The following GPHN variants were observed in gnomAD, a reference collection of about 807,000 sequenced individuals.
GPHN encodes the protein gephyrin.
Under a neutral mutation model 95.5 loss-of-function variants are expected in GPHN, and 17 were observed. The ratio of observed to expected loss-of-function variants is 0.18; its 90% CI spans 0.12 to 0.27. The LOEUF is 0.27. Ranked by LOEUF, GPHN falls within the 10% of genes least tolerant of loss-of-function variation. GPHN has a pLI of 1.00. For missense variants in GPHN, 660 were observed against 978.1 expected (o/e 0.67, Z 4.34); for synonymous variants, 320 against 322.5 (o/e 0.99, Z 0.08).
chr14:66,770,649 T>C (rs779986651), intron 2 of GPHN, among the ~76,000 whole-genome samples: 4 of 152,164 alleles, frequency 2.6e-5, no homozygotes, highest in Non-Finnish European at 5.9e-5. Flanking sequence ...TGCCACACTA[T>C]GTTCCATGAA....
chr14:67,139,345 T>A (rs1213836765), intron 17 of GPHN, among the ~76,000 whole-genome samples: 1 of 152,074 alleles, frequency 6.6e-6, no homozygotes, highest in East Asian at 1.9e-4. Context: ...AGCAATCCTC[T>A]CACATCAGCC....
chr14:67,002,251 A>G (rs992894123), intron 9 of GPHN, among the ~76,000 whole-genome samples: 1 of 149,800 alleles, frequency 6.7e-6, no homozygotes, highest in African/African-American at 2.4e-5. Flanking sequence ...TACTTCTTGA[A>G]GTCATTTGTT....
chr14:66,621,339 T>C (rs866861356), intron 1 of GPHN, among the ~76,000 whole-genome samples: 1 of 151,208 alleles, frequency 6.6e-6, no homozygotes, highest in Non-Finnish European at 1.5e-5. Context: ...ATGGTCTCTA[T>C]CTCCTGACCT....
At chr14:66,929,134 C>A (rs1169297210) in intron 8 of GPHN, among the ~76,000 whole-genome samples, 1 of 150,460 alleles carries the variant, frequency 6.6e-6, no homozygotes, top group African/African-American at 2.5e-5. Context: ...CAGCTCACTG[C>A]AACCTCTACC....
chr14:67,589,689 G>A, the GPHN span: 15 of 993,784 alleles, frequency 1.5e-5, no homozygotes, highest in African/African-American at 1.7e-5. Flanking sequence ...TTACACAAGG[G>A]GTACTATTGG....
At chr14:67,121,416 G>T (rs2153691825) in intron 16 of GPHN, among the ~76,000 whole-genome samples, 1 of 152,160 alleles carries the variant, frequency 6.6e-6, no homozygotes, top group African/African-American at 2.4e-5. Context: ...CACATTTATT[G>T]TACATTTATC....
At chr14:66,543,524 T>C (rs2059426124) in intron 1 of GPHN, among the ~76,000 whole-genome samples, 1 of 152,218 alleles carries the variant, frequency 6.6e-6, no homozygotes, top group Admixed American at 6.5e-5. Context: ...AAACTATTCC[T>C]GAATTGTACA....
intron 1 of GPHN, among the ~76,000 whole-genome samples, chr14:66,619,976 A>G (rs1295365056): frequency 6.6e-6 from 1 of 152,106 alleles, no homozygotes; most frequent in Non-Finnish European, 1.5e-5. Context: ...ATGTAAGGAG[A>G]TTCCTCAGGA....
the GPHN span, among the ~76,000 whole-genome samples, chr14:67,548,923 A>G: frequency 2.6e-5 from 4 of 152,172 alleles, no homozygotes; most frequent in African/African-American, 4.8e-5. Flanking sequence ...GAGTGGATAA[A>G]TGGTTCTGTT....
chr14:67,087,084 A>G (rs2076936125), intron 11 of GPHN, among the ~76,000 whole-genome samples: 1 of 151,964 alleles, frequency 6.6e-6, no homozygotes, highest in African/African-American at 2.4e-5. Flanking sequence ...TAAAATGAAC[A>G]TAACAGTGCT....
At chr14:66,868,401 C>T (rs900968715) in intron 4 of GPHN, among the ~76,000 whole-genome samples, 6 of 151,858 alleles carry the variant, frequency 4.0e-5, no homozygotes, top group Non-Finnish European at 5.9e-5. Flanking sequence ...ATGTTCTTTA[C>T]GGGTTTTTTT....
chr14:67,495,654 T>C, the GPHN span, among the ~76,000 whole-genome samples: 2 of 152,192 alleles, frequency 1.3e-5, no homozygotes, highest in Non-Finnish European at 2.9e-5. Flanking sequence ...CAGTTGATTT[T>C]TGTACTTTTA....
At chr14:67,370,415 G>A in the GPHN span, among the ~76,000 whole-genome samples, 1 of 152,162 alleles carries the variant, frequency 6.6e-6, no homozygotes, top group Admixed American at 6.5e-5. Context: ...CAGTATCAAA[G>A]TTAAAAACTT....
At chr14:66,799,804 C>T (rs879480904) in intron 3 of GPHN, among the ~76,000 whole-genome samples, 1 of 151,894 alleles carries the variant, frequency 6.6e-6, no homozygotes, top group Non-Finnish European at 1.5e-5. Flanking sequence ...AGTGTAATTA[C>T]ATTCAGTGTT....
the GPHN span, among the ~76,000 whole-genome samples, chr14:67,536,550 T>A: frequency 9.5e-4 from 144 of 151,896 alleles, 2 homozygotes; most frequent in Non-Finnish European, 1.7e-3. Flanking sequence ...CTCCACAAGA[T>A]AGAGGCAATG....
At chr14:66,768,954 A>C (rs2059062988) in intron 2 of GPHN, among the ~76,000 whole-genome samples, 1 of 152,140 alleles carries the variant, frequency 6.6e-6, no homozygotes, top group Admixed American at 6.6e-5. Context: ...GTCTGCTAGG[A>C]TCATTAGAGA....
chr14:66,847,671 G>T (rs2062391631), intron 4 of GPHN, among the ~76,000 whole-genome samples: 1 of 152,080 alleles, frequency 6.6e-6, no homozygotes, highest in African/African-American at 2.4e-5. Context: ...AATGACAGCA[G>T]AATGTATTCA....
the GPHN span, among the ~76,000 whole-genome samples, chr14:67,431,132 C>T: frequency 3.0e-4 from 46 of 152,218 alleles, no homozygotes; most frequent in Non-Finnish European, 3.1e-4. Flanking sequence ...TGGTGGCTCA[C>T]GCCTGTAATC....
chr14:67,628,467 T>G, the GPHN span, among the ~76,000 whole-genome samples: 2 of 152,240 alleles, frequency 1.3e-5, no homozygotes, highest in Admixed American at 6.5e-5. Flanking sequence ...TGTGCCTGCA[T>G]AGAGGGAAAT....
Sources: gnomAD v4.1 joint callset for allele counts (sites outside exome capture counted in the v4.1 genomes callset) on GRCh38, gnomAD v4.1.1 for gene constraint, MANE v1.5 for transcripts, NCBI Gene and HGNC (gene_info 2026-07-23, HGNC 2026-07-21) for gene names.